RXFP2: variants seen among roughly 807,000 people sequenced by gnomAD.
RXFP2 encodes the protein relaxin receptor 2.
Under a neutral mutation model 88.6 loss-of-function variants are expected in RXFP2, and 68 were observed. That is an observed-to-expected ratio of 0.77 (90% CI 0.63 to 0.94). RXFP2 has a LOEUF of 0.94. Ranked by LOEUF, RXFP2 falls within the 40% of genes least tolerant of loss-of-function variation. The pLI is 0.00. For synonymous variants in RXFP2, 329 were observed against 306.8 expected (o/e 1.07, Z -0.76); for missense variants, 791 against 893.9 (o/e 0.88, Z 1.47).
At chr13:31,743,428 A>G (rs1274146309) in intron 1 of RXFP2, among the ~76,000 whole-genome samples, 2 of 151,952 alleles carry the variant, frequency 1.3e-5, no homozygotes, top group African/African-American at 4.8e-5. Context: ...AGACTGCGCC[A>G]CTGTACTCCA....
chr13:31,741,689 A>G (rs1249322020), intron 1 of RXFP2, among the ~76,000 whole-genome samples: 1 of 152,332 alleles, frequency 6.6e-6, no homozygotes, highest in East Asian at 1.9e-4. Context: ...CTTAAGCTAC[A>G]GGCACTAACA....
intron 13 of RXFP2, among the ~76,000 whole-genome samples, chr13:31,788,715 T>G (rs1175883220): frequency 1.3e-5 from 2 of 152,190 alleles, no homozygotes; most frequent in Admixed American, 1.3e-4. Flanking sequence ...TGATCATATT[T>G]AAATCCAGAT....
At chr13:31,739,772 T>C in intron 1 of RXFP2, 66 bp downstream of exon 1, 1 of 1,014,604 alleles carries the variant, frequency 9.9e-7, no homozygotes, top group Non-Finnish European at 1.6e-6. Flanking sequence ...TATGTAGTTC[T>C]ATGGCAGTTG....
chr13:31,801,476 G>C (rs1874340228), intron 17 of RXFP2, among the ~76,000 whole-genome samples: 3 of 152,144 alleles, frequency 2.0e-5, no homozygotes, highest in Non-Finnish European at 4.4e-5. Context: ...CACGTGTAAA[G>C]GGAAAGATGC....
chr13:31,775,262 T>C, intron 6 of RXFP2, 56 bp from the exon 7 acceptor site: 16 of 1,278,862 alleles, frequency 1.3e-5, no homozygotes, highest in South Asian at 2.4e-5. Context: ...TCTAATTATA[T>C]GTGACTAAAA....
At chr13:31,771,778 C>T (rs956666049) in intron 5 of RXFP2, among the ~76,000 whole-genome samples, 6 of 140,788 alleles carry the variant, frequency 4.3e-5, no homozygotes, top group East Asian at 2.1e-4. Context: ...GGCAATGGAG[C>T]GTAACTCTGT....
chr13:31,780,275 A>G (rs1031977147), intron 9 of RXFP2, among the ~76,000 whole-genome samples: 3 of 152,250 alleles, frequency 2.0e-5, no homozygotes, highest in South Asian at 4.1e-4. Flanking sequence ...AAGGCCAGAC[A>G]GGAAGAAAGG....
chr13:31,789,690 A>T (rs1039414601), intron 14 of RXFP2, among the ~76,000 whole-genome samples: 1 of 152,234 alleles, frequency 6.6e-6, no homozygotes, highest in Non-Finnish European at 1.5e-5. Flanking sequence ...TGCACTGTGT[A>T]AGTTGTGTTA....
chr13:31,782,946 A>G lies in RXFP2; in HGVS notation c.929+199A>G, dbSNP rs4941960. Reference sequence around the variant, plus strand: ...AGACAGTGGGCTAAATATGGATTTAACCTACCCTAGTTTCTCTACTTGTTT... The same window carrying G: ...AGACAGTGGGCTAAATATGGATTTAGCCTACCCTAGTTTCTCTACTTGTTT... On this transcript the variant is annotated intron_variant, in intron 11 of 17. Transcript: ENST00000298386. 0.6 allele frequency among the ~76,000 whole-genome samples: 91,599 copies of G among 151,932 alleles called. 27,789 individuals carry two copies. The highest frequency in any genetic ancestry group is 0.77 in the East Asian group (3,959 of 5,154).
At chr13:31,749,829 C>T (rs890518385) in intron 1 of RXFP2, among the ~76,000 whole-genome samples, 2 of 152,190 alleles carry the variant, frequency 1.3e-5, no homozygotes, top group African/African-American at 4.8e-5. Flanking sequence ...TTTATGTCTT[C>T]TCTTCCAATA....
intron 9 of RXFP2, among the ~76,000 whole-genome samples, chr13:31,780,230 T>A (rs904972390): frequency 6.6e-6 from 1 of 152,014 alleles, no homozygotes; most frequent in Admixed American, 6.6e-5. Flanking sequence ...CTGATTGCAA[T>A]TGAGAGCCTT....
intron 8 of RXFP2, 101 bp downstream of exon 8, chr13:31,777,548 A>G (rs1017530789): frequency 1.2e-6 from 1 of 847,810 alleles, no homozygotes; most frequent in Non-Finnish European, 1.9e-6. Context: ...GCCCACAAAA[A>G]TTTTTATTAG....
chr13:31,750,128 G>A lies in RXFP2; in HGVS notation c.95-8130G>A, dbSNP rs564979273. Among the ~76,000 whole-genome samples the A allele has an allele frequency of 3.7e-4, 56 of 152,264 alleles. 1 individual carries two copies. Among genetic ancestry groups the A allele is most frequent in the African/African-American group, 1.3e-3 (54 of 41,572 alleles). ...AGTGACAAACTGCAAGAAAATATTTGTGAGTCACAGAACAGAGGACTAACC... is the reference window on the plus strand; with the variant it reads ...AGTGACAAACTGCAAGAAAATATTTATGAGTCACAGAACAGAGGACTAACC... On this transcript the variant is annotated intron_variant, in intron 1 of 17. Transcript: ENST00000298386.
intron 17 of RXFP2, among the ~76,000 whole-genome samples, chr13:31,798,067 A>T (rs955651924): frequency 6.6e-6 from 1 of 152,222 alleles, no homozygotes; most frequent in Non-Finnish European, 1.5e-5. Context: ...GTTTGGAATC[A>T]TCGTCAACCT....
At chr13:31,759,375 G>GAGAAAGAAGAA (rs1351422223) in intron 2 of RXFP2, among the ~76,000 whole-genome samples, 3 of 22,944 alleles carry the variant, frequency 1.3e-4, no homozygotes, top group East Asian at 8.1e-4. Flanking sequence ...CATTTGGATT[G>GAGAAAGAAGAA]AGAAAGAAAG....
intron 11 of RXFP2, 145 bp from the exon 12 acceptor site, chr13:31,786,238 C>A: frequency 1.4e-6 from 1 of 720,218 alleles, no homozygotes. Flanking sequence ...ACTCATACGG[C>A]CCTGTTGTGT....
chr13:31,741,392 C>T (rs2138376275), intron 1 of RXFP2, among the ~76,000 whole-genome samples: 1 of 152,152 alleles, frequency 6.6e-6, no homozygotes, highest in South Asian at 2.1e-4. Context: ...AATGCTTTGA[C>T]ATTTTATTCC....
intron 17 of RXFP2, among the ~76,000 whole-genome samples, chr13:31,800,310 A>T (rs1347570123): frequency 6.6e-6 from 1 of 152,140 alleles, no homozygotes; most frequent in African/African-American, 2.4e-5. Context: ...TCTTATAAGA[A>T]GTCTCATCCC....
chr13:31,741,291 A>C (rs957488199), intron 1 of RXFP2, among the ~76,000 whole-genome samples: 2 of 152,038 alleles, frequency 1.3e-5, no homozygotes, highest in Admixed American at 1.3e-4. Flanking sequence ...AATCCTGGAA[A>C]TTTTTATTTT....
Sources: gnomAD v4.1 joint callset for allele counts (sites outside exome capture counted in the v4.1 genomes callset) on GRCh38, gnomAD v4.1.1 for gene constraint, MANE v1.5 for transcripts, NCBI Gene and HGNC (gene_info 2026-07-23, HGNC 2026-07-21) for gene names.